Variants in APOL3 observed in about 807,000 individuals in gnomAD.
APOL3 encodes the protein TNF-inducible protein CG12-1.
Under a neutral mutation model 11.6 loss-of-function variants are expected in APOL3, and 14 were observed. The observed-to-expected ratio is 1.21, with a 90% CI of 0.80 to 1.89. The LOEUF is 1.89. Ranked by LOEUF, APOL3 falls within the 40% of genes most tolerant of loss-of-function variation. The probability of loss-of-function intolerance (pLI) is 0.00; values close to 1 mark genes in which losing one functional copy is unlikely to be tolerated. For missense variants in APOL3, 483 were observed against 492.1 expected, an observed-to-expected ratio of 0.98 and a Z score of 0.17; for synonymous variants, 192 against 190.6, an observed-to-expected ratio of 1.01 and a Z score of -0.06.
intron 1 of APOL3, among the ~76,000 whole-genome samples, chr22:36,151,955 G>C (rs1207098637): frequency 6.6e-6 from 1 of 152,024 alleles, no homozygotes; most frequent in Non-Finnish European, 1.5e-5. Flanking sequence ...ACTTGAGAAT[G>C]AGCTGTGGAG....
intron 1 of APOL3, chr22:36,157,129 G>A: frequency 4.8e-6 from 2 of 413,176 alleles, no homozygotes; most frequent in South Asian, 3.4e-5. Context: ...ACTTTTGTAC[G>A]AGGAGAAAGA....
intron 1 of APOL3, chr22:36,149,677 T>C (rs1044627207): frequency 1.7e-5 from 6 of 363,192 alleles, no homozygotes; most frequent in East Asian, 1.5e-4. Flanking sequence ...GTTTTCACAA[T>C]AGGGGTAGAG....
At chr22:36,159,575 A>C (rs959419434) in intron 1 of APOL3, 1 of 152,234 alleles carries the variant, frequency 6.6e-6, no homozygotes, top group South Asian at 2.1e-4. Flanking sequence ...AGCTGGGATC[A>C]TGTGGCAGAC....
chr22:36,155,678 C>G (rs574834642), intron 1 of APOL3: 10 of 162,530 alleles, frequency 6.2e-5, no homozygotes, highest in African/African-American at 2.2e-4. Flanking sequence ...GGAGCCAGCA[C>G]AGAGCAGAGG....
intron 1 of APOL3, among the ~76,000 whole-genome samples, chr22:36,152,024 G>A (rs1159906532): frequency 1.3e-5 from 2 of 152,034 alleles, no homozygotes; most frequent in Non-Finnish European, 2.9e-5. Context: ...TCATGGAGAG[G>A]GGATAAGGAA....
At chr22:36,147,995 C>G (rs1173544965) in intron 1 of APOL3, among the ~76,000 whole-genome samples, 1 of 152,132 alleles carries the variant, frequency 6.6e-6, no homozygotes, top group African/African-American at 2.4e-5. Flanking sequence ...TAGGAATTTT[C>G]CAACAAGGTA....
chr22:36,144,867 C>T (rs868071859), intron 2 of APOL3, among the ~76,000 whole-genome samples: 3 of 151,758 alleles, frequency 2.0e-5, no homozygotes, highest in Admixed American at 6.6e-5. Context: ...AAAAAATAGC[C>T]GGATGCGGTG....
At chr22:36,149,450 C>T (rs1032687289) in intron 1 of APOL3, 13 of 1,220,548 alleles carry the variant, frequency 1.1e-5, no homozygotes, top group Admixed American at 9.5e-5. Flanking sequence ...GTCTATACAC[C>T]GAAATAGAGA....
intron 1 of APOL3, among the ~76,000 whole-genome samples, chr22:36,157,682 A>G (rs2013118123): frequency 6.6e-6 from 1 of 152,246 alleles, no homozygotes; most frequent in South Asian, 2.1e-4. Context: ...ACGGTTTGCA[A>G]TACTTAAAGC....
At chr22:36,165,452 A>G (rs999206123), upstream of APOL3, 8 of 152,170 alleles carry the variant, frequency 5.3e-5, no homozygotes, top group African/African-American at 1.9e-4. Flanking sequence ...AATTACAGAC[A>G]GGGCCAACAA....
intron 2 of APOL3, among the ~76,000 whole-genome samples, chr22:36,143,504 A>G (rs1345643882): frequency 6.6e-6 from 1 of 152,216 alleles, no homozygotes; most frequent in African/African-American, 2.4e-5. Context: ...TTGCATTTTG[A>G]CTAACTCTGA....
intron 1 of APOL3, chr22:36,149,623 A>C (rs1346410407): frequency 2.8e-6 from 1 of 359,568 alleles, no homozygotes; most frequent in Non-Finnish European, 5.4e-6. Flanking sequence ...CGTGGCTCCC[A>C]TTTTGAAACA....
At chr22:36,148,463 A>G (rs1468150678) in intron 1 of APOL3, among the ~76,000 whole-genome samples, 5 of 152,236 alleles carry the variant, frequency 3.3e-5, no homozygotes, top group Non-Finnish European at 7.3e-5. Context: ...TTATACTCGC[A>G]TTCCAGGTGA....
chr22:36,149,571 C>T (rs1242696729), intron 1 of APOL3, among the ~76,000 whole-genome samples: 2 of 152,172 alleles, frequency 1.3e-5, no homozygotes, highest in African/African-American at 4.8e-5. Context: ...CTCATATGTG[C>T]CTCATTCGAT....
intron 1 of APOL3, among the ~76,000 whole-genome samples, chr22:36,148,261 G>C (rs563983825): frequency 2.8e-4 from 42 of 152,340 alleles, no homozygotes; most frequent in South Asian, 1.0e-3. Flanking sequence ...AGTCATCCCT[G>C]GTAAGCAGGT....
chr22:36,148,711 C>T (rs77887349), intron 1 of APOL3, among the ~76,000 whole-genome samples: 1,805 of 152,254 alleles, frequency 0.012, 36 homozygotes, highest in African/African-American at 0.041. Context: ...CTCAGCCCTC[C>T]GCACCTCCTG....
chr22:36,155,095 C>T (rs537625711), intron 1 of APOL3, among the ~76,000 whole-genome samples: 1 of 152,190 alleles, frequency 6.6e-6, no homozygotes, highest in Non-Finnish European at 1.5e-5. Context: ...ATCTGGCAGC[C>T]CCAGCCTGGA....
At chr22:36,141,133 A>G in exon 3 of APOL3, 1 of 1,548,210 alleles carries the variant, frequency 6.5e-7, no homozygotes, top group Non-Finnish European at 8.7e-7. Flanking sequence ...TCCCCCTAAT[A>G]AAATGCCTGC....
chr22:36,142,127 C>G, intron 2 of APOL3, 69 bp from the exon 4 acceptor site: 1 of 1,496,068 alleles, frequency 6.7e-7, no homozygotes, highest in Non-Finnish European at 8.9e-7. Flanking sequence ...TCAATAAGAT[C>G]TGTTCTACAT....
Sources: gnomAD v4.1 joint callset for allele counts (sites outside exome capture counted in the v4.1 genomes callset) on GRCh38, gnomAD v4.1.1 for gene constraint, MANE v1.5 for transcripts, NCBI Gene and HGNC (gene_info 2026-07-23, HGNC 2026-07-21) for gene names.